LRP1B: variants seen among roughly 807,000 people sequenced by gnomAD.
The protein encoded by LRP1B is LDL receptor related protein 1B.
Under a neutral mutation model 556.6 loss-of-function variants are expected in LRP1B, and 217 were observed. The observed-to-expected ratio is 0.39, with a 90% CI of 0.35 to 0.44. The LOEUF (loss-of-function observed/expected upper bound fraction) is 0.44. Among genes scored for constraint, LRP1B ranks in the 20% least tolerant of loss-of-function variants. The pLI is 1.00. For synonymous variants in LRP1B, 2,047 were observed against 1,865.8 expected, an observed-to-expected ratio of 1.10 and a Z score of -2.50; for missense variants, 5,053 against 5,620.8, an observed-to-expected ratio of 0.90 and a Z score of 3.23.
At chr2:142,085,189 T>A (rs2104938598) in intron 1 of LRP1B, among the ~76,000 whole-genome samples, 1 of 152,266 alleles carries the variant, frequency 6.6e-6, no homozygotes, top group Non-Finnish European at 1.5e-5. Flanking sequence ...ATCCTCCCCA[T>A]CTCTTCACCT....
In LRP1B at chr2:141,845,636, T is replaced by G. The variant is rs1165783118; in HGVS notation, c.83-35235A>C. Among the ~76,000 whole-genome samples, 8 of 151,996 alleles carry G rather than the reference T, an allele frequency of 5.3e-5. No homozygotes were observed. The South Asian group carries it at 1.7e-3, about 32-fold the overall frequency. On this transcript the variant is annotated intron_variant, in intron 1 of 90. Transcript: ENST00000389484. ...GGATAAAAATGACTCTAGTCTTTTG[T>G]ACCTCTCTGAGGGTAGACATTTCTA...
At chr2:140,311,847 TTAAGA>T (rs1176420442) in intron 83 of LRP1B, among the ~76,000 whole-genome samples, 1 of 151,874 alleles carries the variant, frequency 6.6e-6, no homozygotes, top group East Asian at 1.9e-4. Context: ...TGTTCACTCT[TTAAGA>T]TATCAGTTAG....
At chr2:142,055,531 G>A (rs1313385958) in intron 1 of LRP1B, among the ~76,000 whole-genome samples, 1 of 152,118 alleles carries the variant, frequency 6.6e-6, no homozygotes, top group Non-Finnish European at 1.5e-5. Flanking sequence ...ATAGACATTT[G>A]AGCCTTACAT....
At chr2:140,415,212 G>A (rs1409749448) in intron 66 of LRP1B, among the ~76,000 whole-genome samples, 1 of 151,652 alleles carries the variant, frequency 6.6e-6, no homozygotes, top group Non-Finnish European at 1.5e-5. Flanking sequence ...TTGCACTGCT[G>A]AACATAGACT....
chr2:141,502,403 C>A (rs569145206), intron 2 of LRP1B, among the ~76,000 whole-genome samples: 29 of 152,126 alleles, frequency 1.9e-4, no homozygotes, highest in Non-Finnish European at 2.6e-4. Flanking sequence ...TTGTATTTAA[C>A]CTTCATTTTT....
intron 2 of LRP1B, among the ~76,000 whole-genome samples, chr2:141,705,067 C>T (rs1195522020): frequency 1.3e-5 from 2 of 151,924 alleles, no homozygotes; most frequent in Non-Finnish European, 2.9e-5. Context: ...CTTACAAACA[C>T]CACCTCACTT....
At chr2:140,749,248 T>C (rs529716708) in intron 35 of LRP1B, among the ~76,000 whole-genome samples, 66 of 152,290 alleles carry the variant, frequency 4.3e-4, no homozygotes, top group African/African-American at 1.5e-3. Context: ...GACATTAGTG[T>C]ACACTACTAC....
intron 2 of LRP1B, among the ~76,000 whole-genome samples, chr2:141,601,643 C>CTTCCTTCCTTCCTTCCTTCCT (rs771063608): frequency 4.6e-5 from 6 of 130,254 alleles, no homozygotes; most frequent in African/African-American, 1.7e-4. Context: ...TCCTTCCTTC[C>CTTCCTTCCTTCCTTCCTTCCT]TTTTTTTTTC....
chr2:140,418,653 G>C (rs1685301862), intron 66 of LRP1B, among the ~76,000 whole-genome samples: 1 of 151,472 alleles, frequency 6.6e-6, no homozygotes, highest in Admixed American at 6.6e-5. Flanking sequence ...CACACTTTGG[G>C]GGTCGGTGTT....
At chr2:140,462,927 C>G (rs1179757742) in intron 60 of LRP1B, among the ~76,000 whole-genome samples, 1 of 151,990 alleles carries the variant, frequency 6.6e-6, no homozygotes, top group Non-Finnish European at 1.5e-5. Context: ...TAATAATTTC[C>G]CCTGATATTT....
intron 41 of LRP1B, among the ~76,000 whole-genome samples, chr2:140,645,358 G>T (rs1374963825): frequency 1.3e-5 from 2 of 151,844 alleles, no homozygotes; most frequent in Non-Finnish European, 2.9e-5. Flanking sequence ...ACTATATAAT[G>T]AGCTTTCCAC....
At chr2:140,951,631 A>G (rs923022990) in intron 19 of LRP1B, among the ~76,000 whole-genome samples, 1 of 152,212 alleles carries the variant, frequency 6.6e-6, no homozygotes, top group African/African-American at 2.4e-5. Flanking sequence ...CCAACATAAC[A>G]TTTGAAAACA....
chr2:141,278,990 T>C (rs531493165), intron 3 of LRP1B, among the ~76,000 whole-genome samples: 39 of 152,218 alleles, frequency 2.6e-4, no homozygotes, highest in East Asian at 1.4e-3. Context: ...ACATACCTAT[T>C]TACCTATGCA....
At chr2:141,482,939 T>A (rs1461012504) in intron 2 of LRP1B, among the ~76,000 whole-genome samples, 1 of 26,940 alleles carries the variant, frequency 3.7e-5, no homozygotes, top group Non-Finnish European at 2.0e-4. Context: ...AGCAAGATTT[T>A]TTGTTTTGTT....
At chr2:142,067,945 T>A (rs1336123556) in intron 1 of LRP1B, among the ~76,000 whole-genome samples, 1 of 151,556 alleles carries the variant, frequency 6.6e-6, no homozygotes, top group Non-Finnish European at 1.5e-5. Context: ...ATTAGCATAA[T>A]CTTTGCTCCT....
At chr2:140,532,910 G>C (rs1008784676) in intron 47 of LRP1B, among the ~76,000 whole-genome samples, 1 of 58,294 alleles carries the variant, frequency 1.7e-5, no homozygotes, top group African/African-American at 5.2e-5. Context: ...GTGTTCTTAC[G>C]TGTGCAATCA....
chr2:140,442,745 G>C, intron 65 of LRP1B, 122 bp from the exon 66 acceptor site: 1 of 852,354 alleles, frequency 1.2e-6, no homozygotes, highest in South Asian at 1.8e-5. Flanking sequence ...TAAATTAATA[G>C]GACTCTGAAG....
chr2:140,283,499 A>G (rs1683001222), intron 84 of LRP1B, among the ~76,000 whole-genome samples: 2 of 151,860 alleles, frequency 1.3e-5, no homozygotes, highest in Admixed American at 1.3e-4. Context: ...ATAGTAATGT[A>G]TTCCAAATAT....
At chr2:140,700,645 C>A (rs2105422348) in intron 40 of LRP1B, 24 bp from the exon 41 acceptor site, 1 of 1,602,632 alleles carries the variant, frequency 6.2e-7, no homozygotes, top group South Asian at 1.1e-5. Flanking sequence ...ATGATACACA[C>A]ATGCACATGT....
Sources: gnomAD v4.1 joint callset for allele counts (sites outside exome capture counted in the v4.1 genomes callset) on GRCh38, gnomAD v4.1.1 for gene constraint, MANE v1.5 for transcripts, NCBI Gene and HGNC (gene_info 2026-07-23, HGNC 2026-07-21) for gene names.